The following ENTPD3 variants were observed in gnomAD, a reference collection of about 807,000 sequenced individuals.
The protein encoded by ENTPD3 is ectonucleoside triphosphate diphosphohydrolase 3.
In ENTPD3, 60 loss-of-function variants were observed where a neutral mutation model predicts 51.2. That is an observed-to-expected ratio of 1.17 (90% CI 0.95 to 1.45). The LOEUF (loss-of-function observed/expected upper bound fraction) is 1.45. ENTPD3 is among the 40% of genes most tolerant of loss of function. ENTPD3 has a pLI of 0.00. For synonymous variants in ENTPD3, 221 were observed against 238.4 expected (o/e 0.93, Z 0.67); for missense variants, 593 against 641.1 (o/e 0.93, Z 0.81).
chr3:40,427,454 C>A lies in ENTPD3; in HGVS notation c.1536C>A (p.Thr512=), dbSNP rs138847670. 15 of 1,613,344 alleles carry A rather than the reference C, an allele frequency of 9.3e-6. No homozygotes were observed. In the African/African-American group the frequency reaches 1.8e-4, roughly 19 times the overall value. ...TTCTTGCATACCTGTGTTCAGCAACCAGAAGAAAGAGGCACTCCGAGCATG... is the reference window on the plus strand; with the variant it reads ...TTCTTGCATACCTGTGTTCAGCAACAAGAAGAAAGAGGCACTCCGAGCATG... ...LAFLAYLCSA[T]RRKRHSEHAF... The change falls in exon 11 of 11, where the codon ACC becomes ACA. Residue 512 remains threonine (T), a synonymous_variant. Coordinates refer to ENST00000301825, the MANE Select transcript of ENTPD3 (RefSeq NM_001248.4).
chr3:40,414,268 T>C (rs765036344), intron 5 of ENTPD3, among the ~76,000 whole-genome samples: 9 of 152,320 alleles, frequency 5.9e-5, no homozygotes, highest in Admixed American at 2.6e-4. Context: ...CCTTTCCGTC[T>C]GGTCAGATGA....
At chr3:40,396,948 C>G (rs1955215344) in intron 3 of ENTPD3, among the ~76,000 whole-genome samples, 1 of 152,224 alleles carries the variant, frequency 6.6e-6, no homozygotes, top group Non-Finnish European at 1.5e-5. Context: ...CCATTTTAGT[C>G]TACACTCCCA....
chr3:40,412,875 TGGAA>T (rs1300285299), intron 5 of ENTPD3, among the ~76,000 whole-genome samples: 2 of 152,250 alleles, frequency 1.3e-5, no homozygotes, highest in Non-Finnish European at 2.9e-5. Context: ...ACATTGAATG[TGGAA>T]GGAAGTCAGA....
At chr3:40,403,521 G>A (rs1196238830) in intron 4 of ENTPD3, among the ~76,000 whole-genome samples, 2 of 152,176 alleles carry the variant, frequency 1.3e-5, no homozygotes, top group Non-Finnish European at 2.9e-5. Context: ...AAGATCTTGA[G>A]CAAGGCAGCT....
Position 40,427,464 on chromosome 3 carries a change from A to C in ENTPD3, c.1546A>C (p.Arg516=). ...CCTGTGTTCAGCAACCAGAAGAAAG[A>C]GGCACTCCGAGCATGCCTTTGACCA... ...AYLCSATRRK[R]HSEHAFDHAV... is the part of the protein sequence containing the mutation. Residue 516 remains arginine (R), a synonymous_variant, in exon 11 of 11, where the codon AGG becomes CGG. Transcript: ENST00000301825. The C allele has an allele frequency of 6.2e-7, 1 of 1,613,374 alleles. No homozygotes were observed. The highest frequency in any genetic ancestry group is 1.1e-5 in the South Asian group (1 of 91,072).
intron 4 of ENTPD3, 143 bp downstream of exon 4, chr3:40,401,154 T>C: frequency 1.5e-6 from 1 of 680,132 alleles, no homozygotes. Flanking sequence ...GGAGATCGTG[T>C]GCTAGTGCTG....
intron 3 of ENTPD3, 105 bp downstream of exon 3, chr3:40,392,255 C>T: frequency 1.5e-6 from 2 of 1,373,704 alleles, no homozygotes; most frequent in Non-Finnish European, 2.0e-6. Flanking sequence ...CCTTTCCCCC[C>T]ATCTCTGGCT....
intron 5 of ENTPD3, among the ~76,000 whole-genome samples, chr3:40,412,354 A>G (rs1286657150): frequency 6.6e-6 from 1 of 152,202 alleles, no homozygotes; most frequent in Non-Finnish European, 1.5e-5. Context: ...CCGCTTGTGT[A>G]CAAAATACCA....
At chr3:40,401,716 A>T (rs1447164962) in intron 4 of ENTPD3, among the ~76,000 whole-genome samples, 1 of 152,246 alleles carries the variant, frequency 6.6e-6, no homozygotes, top group African/African-American at 2.4e-5. Context: ...CATATCATGA[A>T]ATGTAATTCT....
rs1288039042 is a variant in ENTPD3, at chr3:40,415,949, A to C, written c.707A>C (p.Asp236Ala). Residue 236 changes from aspartate (D) to alanine (A), a missense_variant, in exon 7 of 11, where the codon GAT becomes GCT. Coordinates refer to ENST00000301825, the MANE Select transcript of ENTPD3 (RefSeq NM_001248.4). ...TCCTTCGTGGCAGGAGAGAAGATGG[A>C]TCTGAACACCAGCGACATCATGCAG... ...QISFVAGEKM[D>A]LNTSDIMQVS... 1 of 1,614,142 alleles carries C rather than the reference A, an allele frequency of 6.2e-7. No homozygotes were observed. The highest frequency in any genetic ancestry group is 8.5e-7 in the Non-Finnish European group (1 of 1,180,016).
Position 40,415,924 on chromosome 3 carries a change from T to A in ENTPD3, c.682T>A (p.Ser228Thr). The A allele has an allele frequency of 1.2e-6, 2 of 1,614,038 alleles. No homozygotes were observed. The highest frequency in any genetic ancestry group is 1.7e-6 in the Non-Finnish European group (2 of 1,179,986). The change falls in exon 7 of 11, where the codon TCC (serine) becomes ACC (threonine). Residue 228 changes from serine (S) to threonine (T), a missense_variant. Ser to Thr is a moderately conservative substitution (Grantham distance 58). Transcript: ENST00000301825. ...LDLGGASTQI[S>T]FVAGEKMDLN... ...CTTAGGTGGTGCCTCCACCCAAATA[T>A]CCTTCGTGGCAGGAGAGAAGATGGA... is the stretch of plus-strand genomic sequence containing the variant.
chr3:40,392,705 C>T (rs1432876703), intron 3 of ENTPD3: 3 of 152,194 alleles, frequency 2.0e-5, no homozygotes, highest in Admixed American at 1.3e-4. Flanking sequence ...TCTGTAATTC[C>T]AGCACTTCGA....
chr3:40,404,107 A>T (rs1575216625), intron 4 of ENTPD3, among the ~76,000 whole-genome samples: 2 of 152,278 alleles, frequency 1.3e-5, no homozygotes, highest in South Asian at 2.1e-4. Flanking sequence ...CCTTTCAAAG[A>T]CAGAGACTAT....
chr3:40,424,459 T>C (rs1043603881), intron 10 of ENTPD3, among the ~76,000 whole-genome samples: 7 of 152,236 alleles, frequency 4.6e-5, no homozygotes, highest in Non-Finnish European at 7.3e-5. Flanking sequence ...TAGCATTAAA[T>C]AAATATTTTC....
chr3:40,423,017 G>A lies in ENTPD3; in HGVS notation c.999G>A (p.Leu333=), dbSNP rs1275039589. The A allele has an allele frequency of 6.2e-7, 1 of 1,614,082 alleles. No homozygotes were observed. The highest frequency in any genetic ancestry group is 2.2e-5 in the East Asian group (1 of 44,872). ...ITFEGTGDPS[L]CKEKVASIFD... ...TTGAAGGAACTGGGGACCCATCTCT[G>A]TGTAAGGAGAAGGTGGCTTCCATAT... Residue 333 remains leucine (L), a synonymous_variant, in exon 8 of 11, where the codon CTG becomes CTA. Transcript: ENST00000301825.
chr3:40,422,626 C>T (rs903958178), intron 7 of ENTPD3, among the ~76,000 whole-genome samples: 19 of 149,246 alleles, frequency 1.3e-4, no homozygotes, highest in African/African-American at 4.2e-4. Context: ...TTTGTCCTTG[C>T]GATAGTTTAC....
At position 40,423,049 on chromosome 3, in the gene ENTPD3, T is replaced by C. The variant is rs1169645256; in HGVS notation, c.1031T>C (p.Phe344Ser). ...GAGAAGGTGGCTTCCATATTTGACTTCAAAGCTTGCCATGATCAAGAAACC... is the reference window on the plus strand; with the variant it reads ...GAGAAGGTGGCTTCCATATTTGACTCCAAAGCTTGCCATGATCAAGAAACC... ...CKEKVASIFD[F>S]KACHDQETCS... is the part of the protein sequence containing the mutation. Residue 344 changes from phenylalanine to serine, a missense_variant, in exon 8 of 11, where the codon TTC (phenylalanine) becomes TCC (serine). By Grantham distance (155) the Phe-to-Ser change is radical. Transcript: ENST00000301825. 6.2e-7 allele frequency: 1 copy of C among 1,614,146 alleles called. No homozygotes were observed. The highest frequency in any genetic ancestry group is 1.3e-5 in the African/African-American group (1 of 75,060).
chr3:40,425,694 C>T (rs547381614), intron 10 of ENTPD3, among the ~76,000 whole-genome samples: 177 of 151,772 alleles, frequency 1.2e-3, no homozygotes, highest in Non-Finnish European at 2.0e-3. Flanking sequence ...GTCAGGAGTT[C>T]GAGACCAGCC....
At chr3:40,408,290 T>C (rs1056645470) in intron 4 of ENTPD3, among the ~76,000 whole-genome samples, 1 of 152,218 alleles carries the variant, frequency 6.6e-6, no homozygotes, top group Non-Finnish European at 1.5e-5. Flanking sequence ...TTCTTAGGTA[T>C]CATGGTTATA....
Sources: allele counts gnomAD v4.1 joint callset (sites outside exome capture counted in the v4.1 genomes callset), GRCh38; gene constraint gnomAD v4.1.1; transcripts MANE v1.5; gene names NCBI Gene and HGNC (gene_info 2026-07-23, HGNC 2026-07-21).